PCYOX1: variants seen among roughly 807,000 people sequenced by gnomAD.
The protein encoded by PCYOX1 is prenylcysteine lyase.
PCYOX1 carries 46 observed loss-of-function variants against 46.4 expected under a neutral mutation model. That is an observed-to-expected ratio of 0.99 (90% CI 0.78 to 1.27). The LOEUF is 1.27. Ranked by LOEUF, PCYOX1 falls within the 50% of genes most tolerant of loss-of-function variation. The pLI is 0.00. For missense variants in PCYOX1, 658 were observed against 628.3 expected, an observed-to-expected ratio of 1.05 and a Z score of -0.51; for synonymous variants, 220 against 231.8, an observed-to-expected ratio of 0.95 and a Z score of 0.46.
upstream of PCYOX1, chr2:70,258,131 G>C: frequency 3.3e-6 from 5 of 1,521,248 alleles, 1 homozygote; most frequent in Non-Finnish European, 4.5e-6. Flanking sequence ...GGACTGCGGG[G>C]CTCTTGAGGC....
At chr2:70,274,926 T>C in intron 3 of PCYOX1, 33 bp from the exon 4 acceptor site, 2 of 1,278,782 alleles carry the variant, frequency 1.6e-6, no homozygotes, top group Non-Finnish European at 2.3e-6. Context: ...ACATCTTGTT[T>C]GGTATTTAAT....
intron 3 of PCYOX1, among the ~76,000 whole-genome samples, chr2:70,271,222 C>T (rs187059510): frequency 6.6e-6 from 1 of 150,464 alleles, no homozygotes; most frequent in East Asian, 1.9e-4. Context: ...CATGCCTCAC[C>T]ATGCCTGGCT....
chr2:70,277,197 C>G lies in PCYOX1; in HGVS notation c.1323C>G (p.Pro441=). Residue 441 remains proline (P), a synonymous_variant, in exon 6 of 6, where the codon CCC becomes CCG. Transcript: ENST00000433351. Reference sequence around the variant, plus strand: ...GGCTTGCATATCCTCACTATAAGCCCCCGGAGAAATGCCCCTCTATCATTC... The same window carrying G: ...GGCTTGCATATCCTCACTATAAGCCGCCGGAGAAATGCCCCTCTATCATTC... ...KPWLAYPHYK[P]PEKCPSIILH... is the part of the protein sequence containing the mutation. 1 of 1,614,060 alleles carries G rather than the reference C, an allele frequency of 6.2e-7. No individual in the cohort carries two copies. The highest frequency in any genetic ancestry group is 8.5e-7 in the Non-Finnish European group (1 of 1,179,980).
intron 3 of PCYOX1, 133 bp from the exon 4 acceptor site, chr2:70,274,826 A>C (rs1573983372): frequency 1.5e-6 from 1 of 656,954 alleles, no homozygotes; most frequent in East Asian, 2.7e-5. Context: ...TGCCTCCCAA[A>C]GTGTGGGGAT....
intron 3 of PCYOX1, among the ~76,000 whole-genome samples, chr2:70,261,701 A>G (rs1696443199): frequency 6.6e-6 from 1 of 152,242 alleles, no homozygotes; most frequent in Non-Finnish European, 1.5e-5. Flanking sequence ...AAACAGATGC[A>G]GAAGGTGGCG....
rs368423614 is a variant in PCYOX1 at position 70,261,344 on chromosome 2, G to C, written c.452G>C (p.Arg151Pro). 10 of 1,612,916 alleles carry C rather than the reference G, an allele frequency of 6.2e-6. No homozygotes were observed. The East Asian group carries it at 1.6e-4, about 25-fold the overall frequency. Residue 151 changes from arginine (R) to proline (P), a missense_variant, in exon 3 of 6, where the codon CGT (arginine) becomes CCT (proline). By Grantham distance (103) the Arg-to-Pro change is moderately radical. Coordinates refer to ENST00000433351, the MANE Select transcript of PCYOX1 (RefSeq NM_016297.4). Reference protein sequence around the residue: ...LVWRYGFQSLRMHMWVEDVLD... With the variant: ...LVWRYGFQSLPMHMWVEDVLD... ...TGGCGCTATGGATTTCAATCCCTCC[G>C]TATGCACATGTGGGTAGAGGACGTG... is the stretch of plus-strand genomic sequence containing the variant.
rs756611240 is a variant in PCYOX1 at position 70,277,432 on chromosome 2, T to C, written c.*40T>C. The stretch of plus-strand genomic sequence containing the variant: ...TTTTCCCCTCCTAGTTCCAAATGAC[T>C]ATCAGTGGCAAAAAAGAACAAAATC... On this transcript the variant is annotated 3_prime_UTR_variant, in exon 6 of 6. Coordinates refer to ENST00000433351, the MANE Select transcript of PCYOX1 (RefSeq NM_016297.4). The C allele has an allele frequency of 3.4e-6, 5 of 1,478,000 alleles. No individual in the cohort carries two copies. The highest frequency in any genetic ancestry group is 1.3e-5 in the South Asian group (1 of 77,760). The allele number at this position is 1,478,000 out of a possible 1,614,324, so 91.6% of individuals were successfully genotyped here.
intron 3 of PCYOX1, among the ~76,000 whole-genome samples, chr2:70,263,020 G>T (rs1324048568): frequency 6.6e-6 from 1 of 152,078 alleles, no homozygotes; most frequent in Non-Finnish European, 1.5e-5. Flanking sequence ...GATCACCTGA[G>T]GTCAGGAGTT....
rs760359648 is a variant in PCYOX1 at position 70,261,249 on chromosome 2, GAT to G, written c.363_364del (p.Tyr121Ter). The G allele has an allele frequency of 6.2e-7, 1 of 1,612,004 alleles. No individual in the cohort carries two copies. The highest frequency in any genetic ancestry group is 1.3e-5 in the African/African-American group (1 of 75,000). On this transcript the variant is annotated frameshift_variant, in exon 3 of 6. Transcript: ENST00000433351. LOFTEE classifies it high-confidence loss of function. Reference protein sequence around the residue: ...AVQASGGLLGIYNGETLVFEE... With the variant: ...AVQASGGLLGXYNGETLVFEE... Reference sequence around the variant, plus strand: ...TTCAGGCCTCTGGTGGCCTACTGGGGATATATAATGGAGAGACTCTGGTATTT... The same window carrying G: ...TTCAGGCCTCTGGTGGCCTACTGGGGATATAATGGAGAGACTCTGGTATTT...
chr2:70,259,486 T>C lies in PCYOX1; in HGVS notation c.239T>C (p.Val80Ala). 1 of 1,614,138 alleles carries C rather than the reference T, an allele frequency of 6.2e-7. No homozygotes were observed. Among genetic ancestry groups the C allele is most frequent in the South Asian group, 1.1e-5 (1 of 91,086 alleles). The part of the protein sequence containing the change: ...EVGGRLATMM[V>A]QGQEYEAGGS... ...GGGGGCCGCCTGGCTACCATGATGG[T>C]GCAGGGGCAAGAATACGAGGCAGGA... Residue 80 changes from valine to alanine, a missense_variant, in exon 2 of 6, where the codon GTG becomes GCG. By Grantham distance (64) the Val-to-Ala change is moderately conservative (BLOSUM62 0). Coordinates refer to ENST00000433351, the MANE Select transcript of PCYOX1 (RefSeq NM_016297.4).
intron 5 of PCYOX1, among the ~76,000 whole-genome samples, chr2:70,276,270 C>T (rs556687677): frequency 3.7e-3 from 557 of 151,880 alleles, no homozygotes; most frequent in African/African-American, 0.012. Flanking sequence ...CCCGGGTTCA[C>T]GCCATTCTCC....
intron 3 of PCYOX1, among the ~76,000 whole-genome samples, chr2:70,267,087 G>C (rs1451630650): frequency 1.3e-5 from 2 of 152,020 alleles, no homozygotes; most frequent in African/African-American, 4.8e-5. Flanking sequence ...CGGCTGGTCA[G>C]AGAGGCTCCT....
At chr2:70,269,641 T>C (rs1036537297) in intron 3 of PCYOX1, among the ~76,000 whole-genome samples, 4 of 152,176 alleles carry the variant, frequency 2.6e-5, no homozygotes, top group Non-Finnish European at 5.9e-5. Flanking sequence ...CCGGCCTTTT[T>C]TAAAAAGTTT....
intron 3 of PCYOX1, among the ~76,000 whole-genome samples, chr2:70,263,729 G>A (rs1271783888): frequency 6.6e-6 from 1 of 151,336 alleles, no homozygotes; most frequent in Non-Finnish European, 1.5e-5. Flanking sequence ...GCGGGATCTC[G>A]GCTTACTGCA....
rs114201203 is a variant in PCYOX1, at chr2:70,265,758, T to C, written c.494+4372T>C. 6.7e-3 allele frequency among the ~76,000 whole-genome samples: 1,013 copies of C among 152,280 alleles called. 13 individuals carry two copies. Among genetic ancestry groups the C allele is most frequent in the African/African-American group, 0.022 (920 of 41,570 alleles). On this transcript the variant is annotated intron_variant, in intron 3 of 5. Coordinates refer to ENST00000433351, the MANE Select transcript of PCYOX1 (RefSeq NM_016297.4). The stretch of plus-strand genomic sequence containing the variant: ...GACTAGGTTAAAGCTTATTCTTCTC[T>C]CTCAAGTTAGTGCATTTCTGGGGAC...
rs34041544 is a variant in PCYOX1, at chr2:70,277,267, A to G, written c.1393A>G (p.Ser465Gly). 3.7e-3 allele frequency: 6,024 copies of G among 1,614,126 alleles called. 195 individuals are homozygous for G. In the African/African-American group the frequency reaches 0.071, roughly 19 times the overall value. Reference sequence around the variant, plus strand: ...CCTCAATGGCATAGAGTGTGCAGCAAGTGCCATGGAGATGAGTGCCATTGC... The same window carrying G: ...CCTCAATGGCATAGAGTGTGCAGCAGGTGCCATGGAGATGAGTGCCATTGC... Reference protein sequence around the residue: ...YYLNGIECAASAMEMSAIAAH... With the variant: ...YYLNGIECAAGAMEMSAIAAH... Residue 465 changes from serine (S) to glycine (G), a missense_variant, in exon 6 of 6, where the codon AGT becomes GGT. Physicochemically the swap from Ser to Gly is moderately conservative, Grantham distance 56. Coordinates refer to ENST00000433351, the MANE Select transcript of PCYOX1 (RefSeq NM_016297.4).
intron 2 of PCYOX1, 137 bp downstream of exon 2, chr2:70,259,703 TGTTA>T: frequency 2.9e-6 from 2 of 688,706 alleles, no homozygotes; most frequent in East Asian, 5.1e-5. Flanking sequence ...CTCACTTTCT[TGTTA>T]GTTGGTACTG....
At chr2:70,268,451 T>A (rs1315915161) in intron 3 of PCYOX1, among the ~76,000 whole-genome samples, 1 of 152,172 alleles carries the variant, frequency 6.6e-6, no homozygotes, top group Non-Finnish European at 1.5e-5. Flanking sequence ...AGAATGTGAC[T>A]GCATATGTAT....
At chr2:70,272,393 C>G (rs1415454798) in intron 3 of PCYOX1, among the ~76,000 whole-genome samples, 1 of 152,128 alleles carries the variant, frequency 6.6e-6, no homozygotes, top group Non-Finnish European at 1.5e-5. Context: ...TCCCAAAGTG[C>G]TGGGATTACA....
Sources: allele counts gnomAD v4.1 joint callset (sites outside exome capture counted in the v4.1 genomes callset), GRCh38; gene constraint gnomAD v4.1.1; transcripts MANE v1.5; gene names NCBI Gene and HGNC (gene_info 2026-07-23, HGNC 2026-07-21).